FBLIM1: variants seen among roughly 807,000 people sequenced by gnomAD.
The protein encoded by FBLIM1 is filamin binding LIM protein 1, also known as filamin-binding LIM protein 1.
FBLIM1 carries 29 observed loss-of-function variants against 37.4 expected under a neutral mutation model. The observed-to-expected ratio is 0.77, with a 90% confidence interval of 0.58 to 1.06. The LOEUF (loss-of-function observed/expected upper bound fraction) is 1.06, where lower values mean the gene tolerates loss of function less well. Ranked by LOEUF, FBLIM1 falls within the 50% of genes least tolerant of loss-of-function variation. FBLIM1 has a pLI of 0.00. For synonymous variants in FBLIM1, 193 were observed against 199.0 expected, an observed-to-expected ratio of 0.97 and a Z score of 0.25; for missense variants, 449 against 505.6, an observed-to-expected ratio of 0.89 and a Z score of 1.07.
chr1:15,774,329 C>T (rs2069381503), intron 6 of FBLIM1, among the ~76,000 whole-genome samples: 1 of 152,214 alleles, frequency 6.6e-6, no homozygotes, highest in Non-Finnish European at 1.5e-5. Flanking sequence ...CGAGGTTTCT[C>T]CTATAGCTCT....
intron 8 of FBLIM1, among the ~76,000 whole-genome samples, chr1:15,778,806 AATGTTTTGTAT>A (rs2069563195): frequency 6.6e-6 from 1 of 151,452 alleles, no homozygotes; most frequent in Non-Finnish European, 1.5e-5. Context: ...ACGCCCAGCT[AATGTTTTGTAT>A]TTTTAGTAAA....
chr1:15,777,616 C>CAGG (rs2069531616), intron 8 of FBLIM1, among the ~76,000 whole-genome samples: 1 of 149,064 alleles, frequency 6.7e-6, no homozygotes, highest in African/African-American at 2.5e-5. Context: ...CTCTTGTTGC[C>CAGG]AGGCTGGAGC....
chr1:15,776,687 A>AC (rs72506929), intron 7 of FBLIM1, among the ~76,000 whole-genome samples: 133,721 of 151,700 alleles, frequency 0.88, 59,122 homozygotes, highest in African/African-American at 0.94. Context: ...ACATGGTGAA[A>AC]CCCGTCTCTA....
intron 3 of FBLIM1, among the ~76,000 whole-genome samples, chr1:15,766,103 A>ATT (rs376175963): frequency 2.0e-5 from 3 of 146,518 alleles, no homozygotes; most frequent in African/African-American, 7.5e-5. Context: ...GAGAATTTGC[A>ATT]TTTTTTTTTT....
intron 8 of FBLIM1, among the ~76,000 whole-genome samples, chr1:15,778,931 C>T (rs763183611): frequency 6.3e-5 from 9 of 143,138 alleles, no homozygotes; most frequent in South Asian, 2.2e-4. Flanking sequence ...CGTGAGCCAC[C>T]GTGCCCAGCG....
At chr1:15,764,813 C>A in intron 2 of FBLIM1, 128 bp downstream of exon 2, 1 of 983,954 alleles carries the variant, frequency 1.0e-6, no homozygotes, top group South Asian at 1.6e-5. Context: ...ACCCCCACCC[C>A]TTCTCTGGCT....
chr1:15,777,132 C>A, intron 7 of FBLIM1, 38 bp from the exon 8 acceptor site: 1 of 1,517,450 alleles, frequency 6.6e-7, no homozygotes, highest in Non-Finnish European at 9.1e-7. Flanking sequence ...GTGGTTGTGG[C>A]ATGAACGCCT....
chr1:15,779,887 G>A (rs1378574439), intron 8 of FBLIM1, among the ~76,000 whole-genome samples: 1 of 151,908 alleles, frequency 6.6e-6, no homozygotes, highest in Non-Finnish European at 1.5e-5. Flanking sequence ...TTGTTTGTTT[G>A]TTTGTTTTTA....
intron 1 of FBLIM1, among the ~76,000 whole-genome samples, chr1:15,760,409 GGTC>G (rs1484932466): frequency 6.6e-6 from 1 of 151,688 alleles, no homozygotes; most frequent in African/African-American, 2.4e-5. Flanking sequence ...GTGTGCCTGT[GGTC>G]CCAGCTACTC....
rs138919278 is a variant in FBLIM1 at position 15,766,057 on chromosome 1, A to G, written c.250+824A>G. ...CAGCACAGCCGCAGGCTCCCACCCC[A>G]AGTATCTCTGATTCAGCAGATCTGC... is the stretch of plus-strand genomic sequence containing the variant. On this transcript the variant is annotated intron_variant, in intron 3 of 8. Transcript: ENST00000375766. Among the ~76,000 whole-genome samples the G allele has an allele frequency of 2.2e-3, 333 of 151,972 alleles. 1 individual carries two copies. The highest frequency in any genetic ancestry group is 7.1e-3 in the African/African-American group (296 of 41,406).
At chr1:15,784,486 C>T in intron 8 of FBLIM1, 62 bp from the exon 9 acceptor site, 1 of 1,369,010 alleles carries the variant, frequency 7.3e-7, no homozygotes, top group Admixed American at 1.8e-5. Context: ...CAAGTGAGTC[C>T]CTCCCCTGTG....
At chr1:15,766,891 C>CTTTT (rs36087502) in intron 3 of FBLIM1, among the ~76,000 whole-genome samples, 1 of 133,222 alleles carries the variant, frequency 7.5e-6, no homozygotes. Context: ...CTGCACCCGG[C>CTTTT]TTTTTTTTTT....
chr1:15,763,073 CT>C (rs71572174), intron 1 of FBLIM1, among the ~76,000 whole-genome samples: 18,389 of 143,194 alleles, frequency 0.13, 1,132 homozygotes, highest in Middle Eastern at 0.22. Context: ...TACTTTTTTT[CT>C]TTTTTTTTTT....
rs527552636 is a variant in FBLIM1, at chr1:15,786,433, C to A, written c.*1772C>A. The stretch of plus-strand genomic sequence containing the variant: ...CACAATTGTTATAACCAAAGGCCTC[C>A]TGTTCTGTTATTTCACTTAAATCAA... On this transcript the variant is annotated 3_prime_UTR_variant, in exon 9 of 9. Transcript: ENST00000375766. 3 of 152,244 alleles carry A rather than the reference C, an allele frequency of 2.0e-5. No homozygotes were observed. The highest frequency in any genetic ancestry group is 4.4e-5 in the Non-Finnish European group (3 of 68,058). 9.4% of individuals were successfully genotyped at this position (152,244 alleles called of 1,614,324 possible). A position where few individuals can be genotyped will look rare whatever the true frequency, so the allele number is the denominator to read the frequency against.
chr1:15,757,439 C>T (rs1258657058), upstream of FBLIM1, among the ~76,000 whole-genome samples: 4 of 152,132 alleles, frequency 2.6e-5, no homozygotes, highest in Non-Finnish European at 4.4e-5. The surrounding 1 kb of genome is among the most constrained non-coding windows in gnomAD (Gnocchi z 4.1). Flanking sequence ...GGTACCAGCA[C>T]CTAGAAAGCC....
Position 15,765,875 on chromosome 1 carries a change from C to T in FBLIM1, c.250+642C>T, listed in dbSNP as rs186662527. On this transcript the variant is annotated intron_variant, in intron 3 of 8. Transcript: ENST00000375766. The surrounding 1 kb of genome is among the most constrained non-coding windows in gnomAD (Gnocchi z 5.9). ...CCATCATAGCCTATGGGCCCTGCAC[C>T]GGGAGGCAGGCACTGGGAGAGGCCA... 2.1e-3 allele frequency among the ~76,000 whole-genome samples: 319 copies of T among 152,290 alleles called. No individual in the cohort carries two copies. Among genetic ancestry groups the T allele is most frequent in the Middle Eastern group, 0.017 (5 of 294 alleles).
intron 8 of FBLIM1, among the ~76,000 whole-genome samples, chr1:15,781,553 G>A (rs967696631): frequency 1.3e-5 from 2 of 149,358 alleles, no homozygotes; most frequent in Non-Finnish European, 3.0e-5. Flanking sequence ...TGAGGCTCTT[G>A]AACTGCAGCA....
intron 7 of FBLIM1, 90 bp downstream of exon 7, chr1:15,774,886 G>C (rs1263856745): frequency 6.2e-7 from 1 of 1,610,790 alleles, no homozygotes; most frequent in South Asian, 1.1e-5. Context: ...CCTGGGTGCT[G>C]GGCCAGAGTT....
At chr1:15,773,406 C>T (rs1442197039) in intron 6 of FBLIM1, among the ~76,000 whole-genome samples, 1 of 150,034 alleles carries the variant, frequency 6.7e-6, no homozygotes, top group African/African-American at 2.5e-5. Context: ...AGCCTGGGCA[C>T]GGTGGCTCAC....
Sources: gnomAD v4.1 joint callset for allele counts (sites outside exome capture counted in the v4.1 genomes callset) on GRCh38, gnomAD v4.1.1 for gene constraint, Gnocchi (gnomAD v3.1) non-coding constraint, MANE v1.5 for transcripts, NCBI Gene and HGNC (gene_info 2026-07-23, HGNC 2026-07-21) for gene names.